Variants in SDK1 observed in about 807,000 individuals in gnomAD.
The protein encoded by SDK1 is sidekick cell adhesion molecule 1.
In SDK1, 157 loss-of-function variants were observed where a neutral mutation model predicts 245.5. The observed-to-expected ratio is 0.64, with a 90% CI of 0.56 to 0.73. SDK1 has a LOEUF of 0.73. SDK1 is among the 30% of genes least tolerant of loss of function. SDK1 has a pLI of 0.00. For synonymous variants in SDK1, 1,647 were observed against 1,278.5 expected, an observed-to-expected ratio of 1.29 and a Z score of -6.15; for missense variants, 3,583 against 3,002.3, an observed-to-expected ratio of 1.19 and a Z score of -4.52.
intron 1 of SDK1, among the ~76,000 whole-genome samples, chr7:3,472,289 G>C (rs1781209686): frequency 6.6e-6 from 1 of 152,152 alleles, no homozygotes; most frequent in Non-Finnish European, 1.5e-5. Flanking sequence ...AGGGGGTATA[G>C]ATAACAGTTT....
At chr7:4,100,319 G>A (rs2128186899) in intron 22 of SDK1, among the ~76,000 whole-genome samples, 1 of 152,278 alleles carries the variant, frequency 6.6e-6, no homozygotes, top group South Asian at 2.1e-4. Flanking sequence ...CAGGAGAAGG[G>A]CTTTATGAAG....
chr7:3,991,651 G>T (rs75468442), intron 14 of SDK1, among the ~76,000 whole-genome samples: 5,123 of 152,276 alleles, frequency 0.034, 151 homozygotes, highest in Middle Eastern at 0.058. Context: ...GAAGCTGGCC[G>T]ACGTTCCCAG....
rs1024326323 is a variant in SDK1 at position 3,383,372 on chromosome 7, CT to C, written c.298+81489del. Among the ~76,000 whole-genome samples the C allele has an allele frequency of 4.6e-5, 7 of 152,240 alleles. No homozygotes were observed. The South Asian group carries it at 1.5e-3, about 32-fold the overall frequency. On this transcript the variant is annotated intron_variant, in intron 1 of 44. Transcript: ENST00000404826. ...ATTGCAGTGAATTATGATTGTGCCACTGCACTCCAGCCTGGGTGACAGCGAG... is the reference window on the plus strand; with the variant it reads ...ATTGCAGTGAATTATGATTGTGCCACGCACTCCAGCCTGGGTGACAGCGAG...
intron 1 of SDK1, among the ~76,000 whole-genome samples, chr7:3,611,183 C>G (rs189591659): frequency 9.2e-5 from 14 of 152,120 alleles, no homozygotes; most frequent in African/African-American, 3.1e-4. Context: ...GATGGTACAT[C>G]TAAGTATATT....
chr7:3,457,393 G>C (rs886597350), intron 1 of SDK1, among the ~76,000 whole-genome samples: 3 of 151,802 alleles, frequency 2.0e-5, no homozygotes, highest in Non-Finnish European at 4.4e-5. Context: ...TGCCTTTCCC[G>C]AGCCAATCCC....
At chr7:3,952,709 A>G (rs995210457) in intron 7 of SDK1, among the ~76,000 whole-genome samples, 2 of 152,096 alleles carry the variant, frequency 1.3e-5, no homozygotes, top group African/African-American at 2.4e-5. Flanking sequence ...AAAAAAGAGA[A>G]CAGAGATGCT....
chr7:4,237,574 A>T, intron 41 of SDK1, 73 bp from the exon 42 acceptor site: 1 of 1,574,268 alleles, frequency 6.4e-7, no homozygotes, highest in Non-Finnish European at 8.7e-7. Flanking sequence ...CCTGCCAACC[A>T]CCTGACTCGC....
chr7:4,036,697 T>C (rs1227621479), intron 17 of SDK1, among the ~76,000 whole-genome samples: 1 of 152,122 alleles, frequency 6.6e-6, no homozygotes, highest in Non-Finnish European at 1.5e-5. Context: ...TGGTTGGGAT[T>C]AGCACCCTTA....
intron 1 of SDK1, among the ~76,000 whole-genome samples, chr7:3,590,990 C>T (rs1780853119): frequency 1.3e-5 from 2 of 151,692 alleles, no homozygotes; most frequent in Non-Finnish European, 2.9e-5. Context: ...GCCATGTTGC[C>T]CAGGCTGGTA....
intron 22 of SDK1, among the ~76,000 whole-genome samples, chr7:4,104,784 C>T (rs1782794950): frequency 6.6e-6 from 1 of 151,900 alleles, no homozygotes; most frequent in African/African-American, 2.4e-5. Flanking sequence ...GCTACTGCAG[C>T]CTTGACATCC....
intron 4 of SDK1, among the ~76,000 whole-genome samples, chr7:3,747,495 C>T (rs1779658279): frequency 2.6e-5 from 4 of 152,172 alleles, no homozygotes; most frequent in African/African-American, 9.7e-5. Context: ...TATTTATAGT[C>T]ATTCTTTTAT....
At chr7:3,378,650 A>G (rs1426153066) in intron 1 of SDK1, among the ~76,000 whole-genome samples, 2 of 151,924 alleles carry the variant, frequency 1.3e-5, no homozygotes, top group Non-Finnish European at 2.9e-5. Flanking sequence ...TTTACTTCAA[A>G]GGCTTGGTGT....
At chr7:3,905,706 C>G (rs1778883460) in intron 5 of SDK1, among the ~76,000 whole-genome samples, 1 of 151,956 alleles carries the variant, frequency 6.6e-6, no homozygotes, top group Admixed American at 6.6e-5. Context: ...CACTGTAACC[C>G]CGAACTCCTG....
intron 1 of SDK1, among the ~76,000 whole-genome samples, chr7:3,524,345 T>C (rs1021937756): frequency 3.9e-5 from 6 of 152,072 alleles, no homozygotes; most frequent in Non-Finnish European, 8.8e-5. Context: ...GTGTTGAGAA[T>C]AGTGAGATGG....
At chr7:3,397,868 A>G (rs1282096525) in intron 1 of SDK1, among the ~76,000 whole-genome samples, 1 of 152,018 alleles carries the variant, frequency 6.6e-6, no homozygotes, top group South Asian at 2.1e-4. Context: ...AATCATAGTT[A>G]TGAATTTCTG....
At chr7:3,611,851 A>G (rs2128642350) in intron 1 of SDK1, among the ~76,000 whole-genome samples, 1 of 152,272 alleles carries the variant, frequency 6.6e-6, no homozygotes, top group South Asian at 2.1e-4. Flanking sequence ...GATGGGGTGA[A>G]AAGGGAACAC....
At position 3,474,650 on chromosome 7, in the gene SDK1, C is replaced by T. The variant is rs114796527; in HGVS notation, c.299-144430C>T. 5.9e-3 allele frequency among the ~76,000 whole-genome samples: 896 copies of T among 152,194 alleles called. 5 individuals are homozygous for T. Among genetic ancestry groups the T allele is most frequent in the African/African-American group, 0.02 (824 of 41,512 alleles). The stretch of plus-strand genomic sequence containing the variant: ...ATCCATGTCTTTCCACCTCTAATGT[C>T]ATCATATTCAAATTATTGCCATCTC... On this transcript the variant is annotated intron_variant, in intron 1 of 44. Transcript: ENST00000404826.
chr7:4,110,508 C>G (rs1285020712), intron 22 of SDK1, among the ~76,000 whole-genome samples, 155 bp from the exon 23 acceptor site: 1 of 152,162 alleles, frequency 6.6e-6, no homozygotes, highest in African/African-American at 2.4e-5. Context: ...CTCCAAGGCA[C>G]AAGAGGGGGT....
intron 4 of SDK1, among the ~76,000 whole-genome samples, chr7:3,654,144 T>G (rs1783088696): frequency 6.6e-6 from 1 of 152,142 alleles, no homozygotes; most frequent in Non-Finnish European, 1.5e-5. Flanking sequence ...GGGCAGCCCC[T>G]GTGCCCCACC....
Sources: gnomAD v4.1 joint callset for allele counts (sites outside exome capture counted in the v4.1 genomes callset) on GRCh38, gnomAD v4.1.1 for gene constraint, MANE v1.5 for transcripts, NCBI Gene and HGNC (gene_info 2026-07-23, HGNC 2026-07-21) for gene names.